SPIN1: variants seen among roughly 807,000 people sequenced by gnomAD.
SPIN1 encodes the protein spindlin 1, also known as spindlin-1.
In SPIN1, 3 loss-of-function variants were observed where a neutral mutation model predicts 26.0. The ratio of observed to expected loss-of-function variants is 0.12; its 90% CI spans 0.05 to 0.30. The LOEUF (loss-of-function observed/expected upper bound fraction) is 0.30. SPIN1 is among the 10% of genes least tolerant of loss of function. The probability of loss-of-function intolerance (pLI) is 1.00; values close to 1 mark genes in which losing one functional copy is unlikely to be tolerated. For synonymous variants in SPIN1, 101 were observed against 116.5 expected (o/e 0.87, Z 0.86); for missense variants, 126 against 333.4 (o/e 0.38, Z 4.84).
intron 5 of SPIN1, among the ~76,000 whole-genome samples, chr9:88,472,113 T>C (rs1828802425): frequency 6.6e-6 from 1 of 152,138 alleles, no homozygotes; most frequent in South Asian, 2.1e-4. Context: ...CCTTTCTTTT[T>C]CAGGAGTGTT....
rs148740434 is a variant in SPIN1 at position 88,442,494 on chromosome 9, C to T, written c.53-6447C>T. Among the ~76,000 whole-genome samples the T allele has an allele frequency of 2.8e-3, 419 of 151,470 alleles. 1 individual carries two copies. The highest frequency in any genetic ancestry group is 9.6e-3 in the African/African-American group (396 of 41,228). ...TTTCAGCTCACTGCAACCTCTGCCT[C>T]CCTGGTTCAAGCATTTCTCCTGCCT... On this transcript the variant is annotated intron_variant, in intron 2 of 5. Coordinates refer to ENST00000375859, the MANE Select transcript of SPIN1 (RefSeq NM_006717.3).
intron 1 of SPIN1, among the ~76,000 whole-genome samples, chr9:88,393,936 C>T (rs915270974): frequency 1.3e-5 from 2 of 152,074 alleles, no homozygotes; most frequent in South Asian, 2.1e-4. Context: ...CAACCTCCGC[C>T]TCCCGGGTTC....
At chr9:88,468,761 AGTT>A (rs977506657) in intron 5 of SPIN1, among the ~76,000 whole-genome samples, 156 bp downstream of exon 5, 8 of 152,212 alleles carry the variant, frequency 5.3e-5, no homozygotes, top group Admixed American at 3.3e-4. Flanking sequence ...TTTTTCATCC[AGTT>A]GTTATAAATG....
intron 1 of SPIN1, among the ~76,000 whole-genome samples, chr9:88,393,780 G>C (rs1253411686): frequency 6.6e-6 from 1 of 152,004 alleles, no homozygotes; most frequent in East Asian, 1.9e-4. Flanking sequence ...GGAGGGGTTT[G>C]AATTACTTTT....
chr9:88,470,207 A>T (rs1221703509), intron 5 of SPIN1, among the ~76,000 whole-genome samples: 3 of 152,254 alleles, frequency 2.0e-5, no homozygotes, highest in African/African-American at 7.2e-5. Flanking sequence ...TTGATTAGCC[A>T]TTCATCCAGT....
chr9:88,420,043 A>C (rs1262975748), intron 1 of SPIN1, among the ~76,000 whole-genome samples: 1 of 152,230 alleles, frequency 6.6e-6, no homozygotes, highest in Non-Finnish European at 1.5e-5. Context: ...TTGTTCTGCC[A>C]TCCTGAAATA....
chr9:88,473,332 G>A (rs181660813), intron 5 of SPIN1, among the ~76,000 whole-genome samples: 233 of 152,244 alleles, frequency 1.5e-3, no homozygotes, highest in Non-Finnish European at 2.3e-3. Context: ...GGCAGAAGTT[G>A]CAGCGAGTCG....
chr9:88,466,197 C>G (rs757409084), intron 4 of SPIN1, among the ~76,000 whole-genome samples: 45 of 151,976 alleles, frequency 3.0e-4, no homozygotes, highest in Non-Finnish European at 7.4e-5. Flanking sequence ...CTCGCTTTGT[C>G]ACCCAGGCTG....
At chr9:88,401,971 A>G (rs1370094116) in intron 1 of SPIN1, among the ~76,000 whole-genome samples, 1 of 152,178 alleles carries the variant, frequency 6.6e-6, no homozygotes, top group Non-Finnish European at 1.5e-5. Context: ...GGGTACCTGG[A>G]GCATCCATCA....
intron 2 of SPIN1, among the ~76,000 whole-genome samples, chr9:88,436,443 T>C (rs1426629319): frequency 6.6e-6 from 1 of 152,178 alleles, no homozygotes; most frequent in East Asian, 1.9e-4. Context: ...GCCCCATTCC[T>C]GTCCCAGCAT....
At chr9:88,403,765 C>T (rs752909235) in intron 1 of SPIN1, among the ~76,000 whole-genome samples, 5 of 152,034 alleles carry the variant, frequency 3.3e-5, no homozygotes, top group African/African-American at 4.8e-5. Flanking sequence ...TTTAAGGGGC[C>T]AGTATTATTA....
At chr9:88,402,757 CT>C (rs1346190999) in intron 1 of SPIN1, among the ~76,000 whole-genome samples, 1 of 152,092 alleles carries the variant, frequency 6.6e-6, no homozygotes, top group Non-Finnish European at 1.5e-5. Context: ...GTAAATAGTG[CT>C]GTGGTAAACA....
At chr9:88,437,929 G>A (rs1002235973) in intron 2 of SPIN1, among the ~76,000 whole-genome samples, 4 of 152,062 alleles carry the variant, frequency 2.6e-5, no homozygotes, top group African/African-American at 7.2e-5. Context: ...GGAGGCTGAG[G>A]GGGGCAGAGG....
intron 2 of SPIN1, among the ~76,000 whole-genome samples, chr9:88,447,368 A>G (rs1828272130): frequency 6.6e-6 from 1 of 152,044 alleles, no homozygotes; most frequent in African/African-American, 2.4e-5. Context: ...TGGAGTTACA[A>G]TCTGCTACTT....
chr9:88,388,707 G>A (rs548903423), intron 1 of SPIN1, among the ~76,000 whole-genome samples, 169 bp downstream of exon 1: 1 of 148,868 alleles, frequency 6.7e-6, no homozygotes, highest in African/African-American at 2.4e-5. Context: ...GCTGGGCCGC[G>A]GCGGGGACCC....
At chr9:88,448,785 G>A (rs1828303259) in intron 2 of SPIN1, among the ~76,000 whole-genome samples, 156 bp from the exon 3 acceptor site, 1 of 152,038 alleles carries the variant, frequency 6.6e-6, no homozygotes, top group Admixed American at 6.6e-5. Flanking sequence ...TTTTTTAAAA[G>A]TTCAGTAAAC....
At chr9:88,465,903 G>C (rs752799296) in intron 4 of SPIN1, among the ~76,000 whole-genome samples, 1 of 152,180 alleles carries the variant, frequency 6.6e-6, no homozygotes, top group African/African-American at 2.4e-5. Context: ...AACAGATTGA[G>C]TGCTAAAGCA....
intron 1 of SPIN1, among the ~76,000 whole-genome samples, chr9:88,400,324 G>T (rs1827160250): frequency 6.6e-6 from 1 of 152,158 alleles, no homozygotes; most frequent in South Asian, 2.1e-4. Flanking sequence ...ATGGATCTTA[G>T]GGGTATAGTA....
At chr9:88,446,197 TTTAA>T (rs1306575476) in intron 2 of SPIN1, among the ~76,000 whole-genome samples, 2 of 152,180 alleles carry the variant, frequency 1.3e-5, no homozygotes, top group Non-Finnish European at 2.9e-5. Flanking sequence ...ATTATAGCTT[TTTAA>T]TTAATTCACT....
Sources: gnomAD v4.1 joint callset for allele counts (sites outside exome capture counted in the v4.1 genomes callset) on GRCh38, gnomAD v4.1.1 for gene constraint, MANE v1.5 for transcripts, NCBI Gene and HGNC (gene_info 2026-07-23, HGNC 2026-07-21) for gene names.